STK17A: variants seen among roughly 807,000 people sequenced by gnomAD.
STK17A encodes serine/threonine-protein kinase 17A.
Under a neutral mutation model 43.7 loss-of-function variants are expected in STK17A, and 26 were observed. The observed-to-expected ratio is 0.60, with a 90% confidence interval of 0.44 to 0.83. The LOEUF (loss-of-function observed/expected upper bound fraction) is 0.83. Among genes scored for constraint, STK17A ranks in the 40% least tolerant of loss-of-function variants. The pLI is 0.00. For missense variants in STK17A, 476 were observed against 511.6 expected (o/e 0.93, Z 0.67); for synonymous variants, 191 against 182.5 (o/e 1.05, Z -0.38).
At position 43,596,066 on chromosome 7, in the gene STK17A, A is replaced by C; in HGVS notation, c.372A>C (p.Leu124Phe). ...LAQDNPWVIN[L>F]HEVYETASEM... ...AAGACAATCCTTGGGTCATTAATTT[A>C]CATGAAGTTTATGAGACTGCATCAG... Residue 124 changes from leucine (L) to phenylalanine (F), a missense_variant, in exon 2 of 7, where the codon TTA becomes TTC. Coordinates refer to ENST00000319357, the MANE Select transcript of STK17A (RefSeq NM_004760.3). The C allele has an allele frequency of 6.2e-7, 1 of 1,613,532 alleles. No homozygotes were observed. The highest frequency in any genetic ancestry group is 8.5e-7 in the Non-Finnish European group (1 of 1,179,780).
chr7:43,610,041 C>T (rs1486345356), intron 3 of STK17A, among the ~76,000 whole-genome samples: 1 of 152,246 alleles, frequency 6.6e-6, no homozygotes, highest in African/African-American at 2.4e-5. Flanking sequence ...CCAGGGGCCA[C>T]TTTAAGAATT....
rs769637860 is a variant in STK17A, at chr7:43,595,959, G to A, written c.265G>A (p.Ala89Thr). 1.9e-6 allele frequency: 3 copies of A among 1,613,878 alleles called. No individual in the cohort carries two copies. The highest frequency in any genetic ancestry group is 8.5e-7 in the Non-Finnish European group (1 of 1,179,918). ...GAAAGATTCTGGGAAAGAATTTGCTGCAAAGTTCATGAGAAAAAGAAGAAA... is the reference window on the plus strand; with the variant it reads ...GAAAGATTCTGGGAAAGAATTTGCTACAAAGTTCATGAGAAAAAGAAGAAA... ...IKKDSGKEFA[A>T]KFMRKRRKGQ... Residue 89 changes from alanine to threonine, a missense_variant, in exon 2 of 7, where the codon GCA (alanine) becomes ACA (threonine). Ala to Thr is a moderately conservative substitution (Grantham distance 58). Transcript: ENST00000319357.
intron 3 of STK17A, among the ~76,000 whole-genome samples, chr7:43,615,126 T>C (rs1027485976): frequency 6.6e-6 from 1 of 152,212 alleles, no homozygotes; most frequent in Non-Finnish European, 1.5e-5. Context: ...CTATCAAATT[T>C]GCCTGAATAA....
Position 43,608,450 on chromosome 7 carries a change from CAT to C in STK17A, c.564+52_564+53del, listed in dbSNP as rs756374468. The C allele has an allele frequency of 1.4e-5, 22 of 1,559,768 alleles. No homozygotes were observed. In the South Asian group the frequency reaches 2.3e-4, roughly 16 times the overall value. Reference sequence around the variant, plus strand: ...GATTGCTAAAGAATGACATTCAAGACATAAAATATTTAACAGTGATTTATTCA... The same window carrying C: ...GATTGCTAAAGAATGACATTCAAGACAAAATATTTAACAGTGATTTATTCA... On this transcript the variant is annotated intron_variant, in intron 3 of 6. Transcript: ENST00000319357.
intron 5 of STK17A, 40 bp downstream of exon 5, chr7:43,623,660 A>G (rs2153022356): frequency 6.2e-7 from 1 of 1,607,742 alleles, no homozygotes; most frequent in East Asian, 2.2e-5. Context: ...ATTAGTTTCA[A>G]GAAATGAGTA....
rs1043860985 is a variant in STK17A at position 43,588,339 on chromosome 7, C to A, written c.206+4890C>A. On this transcript the variant is annotated intron_variant, in intron 1 of 6. Coordinates refer to ENST00000319357, the MANE Select transcript of STK17A (RefSeq NM_004760.3). ...GATCTCATTTTACAGATGAGGAATC[C>A]CAGGTTCCAAAGGATTAATAAATTG... Among the ~76,000 whole-genome samples the A allele has an allele frequency of 2.0e-5, 3 of 151,364 alleles. 1 individual carries two copies. The highest frequency in any genetic ancestry group is 2.0e-4 in the Admixed American group (3 of 15,214).
Position 43,583,414 on chromosome 7 carries a change from C to A in STK17A, c.171C>A (p.Asp57Glu). ...TGGTGCGCACCGAGCCCTTCCAGGA[C>A]GGCTACAGCCTGTGCCCGGGCCGGG... ...RAVVRTEPFQ[D>E]GYSLCPGREL... is the part of the protein sequence containing the mutation. Residue 57 changes from aspartate to glutamate, a missense_variant, in exon 1 of 7, where the codon GAC becomes GAA. Coordinates refer to ENST00000319357, the MANE Select transcript of STK17A (RefSeq NM_004760.3). 1.4e-6 allele frequency: 2 copies of A among 1,415,192 alleles called. No individual in the cohort carries two copies. Among genetic ancestry groups the A allele is most frequent in the Non-Finnish European group, 1.8e-6 (2 of 1,082,938 alleles). 87.7% of individuals were successfully genotyped at this position (1,415,192 alleles called of 1,614,324 possible).
chr7:43,583,178 C>T lies in STK17A; in HGVS notation c.-66C>T. 1 of 1,503,154 alleles carries T rather than the reference C, an allele frequency of 6.7e-7. No individual in the cohort carries two copies. 93.1% of individuals were successfully genotyped at this position (1,503,154 alleles called of 1,614,324 possible). Reference sequence around the variant, plus strand: ...GCGGACCGGCACTAGGAGCCGGGGGCGGGTCCGTGACCCTCCGGCTGCTCG... The same window carrying T: ...GCGGACCGGCACTAGGAGCCGGGGGTGGGTCCGTGACCCTCCGGCTGCTCG... On this transcript the variant is annotated 5_prime_UTR_variant, in exon 1 of 7. Coordinates refer to ENST00000319357, the MANE Select transcript of STK17A (RefSeq NM_004760.3).
intron 2 of STK17A, among the ~76,000 whole-genome samples, chr7:43,607,358 C>T (rs1264700307): frequency 2.0e-5 from 3 of 151,934 alleles, no homozygotes; most frequent in African/African-American, 7.3e-5. Context: ...TTTGTTAAAG[C>T]AAGAATGGGG....
Position 43,624,850 on chromosome 7 carries a change from T to C in STK17A, c.*8T>C, listed in dbSNP as rs772766067. On this transcript the variant is annotated 3_prime_UTR_variant, in exon 7 of 7. Transcript: ENST00000319357. The stretch of plus-strand genomic sequence containing the variant: ...GGAGAATTTATCTACTGAGCAATAT[T>C]TCCCTTTAGAACTTCAAGATTTCTA... The C allele has an allele frequency of 6.3e-7, 1 of 1,578,694 alleles. No homozygotes were observed. Among genetic ancestry groups the C allele is most frequent in the East Asian group, 2.2e-5 (1 of 44,552 alleles).
chr7:43,585,310 C>T (rs1280799095), intron 1 of STK17A, among the ~76,000 whole-genome samples: 1 of 142,578 alleles, frequency 7.0e-6, no homozygotes, highest in Non-Finnish European at 1.6e-5. Context: ...CAAGCACTGT[C>T]TTGGAGATGT....
At chr7:43,619,515 G>A (rs2083654739) in intron 3 of STK17A, 82 bp from the exon 4 acceptor site, 3 of 1,503,750 alleles carry the variant, frequency 2.0e-6, no homozygotes, top group East Asian at 2.3e-5. Flanking sequence ...AGTTTCATAG[G>A]TGAAATATGT....
intron 2 of STK17A, among the ~76,000 whole-genome samples, chr7:43,607,930 T>C (rs764067587): frequency 6.6e-6 from 1 of 152,164 alleles, no homozygotes; most frequent in Non-Finnish European, 1.5e-5. Flanking sequence ...TTGAGCTACT[T>C]GGAACTGAGT....
At position 43,624,531 on chromosome 7, in the gene STK17A, G is replaced by A. The variant is rs760541089; in HGVS notation, c.934G>A (p.Ala312Thr). 1 of 1,612,398 alleles carries A rather than the reference G, an allele frequency of 6.2e-7. No individual in the cohort carries two copies. Among genetic ancestry groups the A allele is most frequent in the Non-Finnish European group, 8.5e-7 (1 of 1,179,138 alleles). ...LVKKPEDRAT[A>T]EECLKHPWLT... ...GTATCTTTACAGAGATCGAGCCACT[G>A]CTGAAGAATGTCTAAAGCACCCCTG... The change falls in exon 7 of 7, where the codon GCT becomes ACT. Residue 312 changes from alanine (A) to threonine (T), a missense_variant. Physicochemically the swap from Ala to Thr is moderately conservative, Grantham distance 58. Transcript: ENST00000319357.
Position 43,607,700 on chromosome 7 carries a change from G to A in STK17A, c.420-556G>A, listed in dbSNP as rs554233854. ...AATGGGTAACTTTATAGTGTAAAGAGACTAATTGCTCTTAAAATTTAGGTA... is the reference window on the plus strand; with the variant it reads ...AATGGGTAACTTTATAGTGTAAAGAAACTAATTGCTCTTAAAATTTAGGTA... On this transcript the variant is annotated intron_variant, in intron 2 of 6. Transcript: ENST00000319357. Among the ~76,000 whole-genome samples, 9 of 145,958 alleles carry A rather than the reference G, an allele frequency of 6.2e-5. No homozygotes were observed. In the East Asian group the frequency reaches 1.8e-3, roughly 29 times the overall value.
chr7:43,597,754 G>A (rs909965214), intron 2 of STK17A, among the ~76,000 whole-genome samples: 7 of 151,996 alleles, frequency 4.6e-5, no homozygotes, highest in African/African-American at 9.7e-5. Flanking sequence ...GCAACATAGC[G>A]AAACCCTGTC....
chr7:43,591,010 GTTA>G (rs1451021803), intron 1 of STK17A, among the ~76,000 whole-genome samples: 1 of 151,368 alleles, frequency 6.6e-6, no homozygotes. Flanking sequence ...CAAGAAATCC[GTTA>G]TTATCTTCTC....
At position 43,608,001 on chromosome 7, in the gene STK17A, G is replaced by T. The variant is rs1348615399; in HGVS notation, c.420-255G>T. Among the ~76,000 whole-genome samples the T allele has an allele frequency of 4.6e-5, 7 of 152,280 alleles. No homozygotes were observed. In the East Asian group the frequency reaches 1.3e-3, roughly 29 times the overall value. On this transcript the variant is annotated intron_variant, in intron 2 of 6. Coordinates refer to ENST00000319357, the MANE Select transcript of STK17A (RefSeq NM_004760.3). ...TAAATCCATACTAACAGTTATACAG[G>T]CTGGGTACAAAGGCTTATACGTGTA...
intron 2 of STK17A, among the ~76,000 whole-genome samples, chr7:43,598,809 G>T (rs2082537599): frequency 6.6e-6 from 1 of 151,852 alleles, no homozygotes; most frequent in South Asian, 2.1e-4. Flanking sequence ...TGTGACCCAG[G>T]CTGGAGTGCA....
Sources: allele counts gnomAD v4.1 joint callset (sites outside exome capture counted in the v4.1 genomes callset), GRCh38; gene constraint gnomAD v4.1.1; transcripts MANE v1.5; gene names NCBI Gene and HGNC (gene_info 2026-07-23, HGNC 2026-07-21).